The following AGBL4 variants were observed in gnomAD, a reference collection of about 807,000 sequenced individuals.
AGBL4 encodes the protein cytosolic carboxypeptidase 6.
AGBL4 carries 58 observed loss-of-function variants against 66.4 expected under a neutral mutation model. That is an observed-to-expected ratio of 0.87 (90% confidence interval 0.71 to 1.09). The LOEUF (loss-of-function observed/expected upper bound fraction) is 1.09, where lower values mean the gene tolerates loss of function less well. Among genes scored for constraint, AGBL4 ranks in the 50% least tolerant of loss-of-function variants. AGBL4 has a pLI of 0.00. For missense variants in AGBL4, 579 were observed against 631.0 expected, an observed-to-expected ratio of 0.92 and a Z score of 0.88; for synonymous variants, 234 against 222.9, an observed-to-expected ratio of 1.05 and a Z score of -0.44.
chr1:48,684,788 G>A (rs1321630690), intron 6 of AGBL4, among the ~76,000 whole-genome samples: 1 of 152,072 alleles, frequency 6.6e-6, no homozygotes, highest in Middle Eastern at 3.2e-3. Flanking sequence ...ATAAGGAAAA[G>A]AGAGAATCCA....
intron 4 of AGBL4, among the ~76,000 whole-genome samples, chr1:49,134,828 C>G (rs1231551803): frequency 6.6e-6 from 1 of 151,998 alleles, no homozygotes; most frequent in East Asian, 1.9e-4. Flanking sequence ...TAAAGACAGT[C>G]ATAGAAATTA....
chr1:49,870,805 G>A (rs12136205), intron 1 of AGBL4, among the ~76,000 whole-genome samples: 232 of 152,016 alleles, frequency 1.5e-3, no homozygotes, highest in Non-Finnish European at 2.3e-3. Flanking sequence ...CACCCACTCT[G>A]ATGGTTATTA....
chr1:48,995,657 A>G (rs1357491074), intron 5 of AGBL4, among the ~76,000 whole-genome samples: 1 of 152,234 alleles, frequency 6.6e-6, no homozygotes, highest in Non-Finnish European at 1.5e-5. Context: ...GAGGAGACCC[A>G]AAAAATGAAA....
chr1:49,947,177 C>T (rs1655289693), intron 1 of AGBL4, among the ~76,000 whole-genome samples: 1 of 151,802 alleles, frequency 6.6e-6, no homozygotes, highest in South Asian at 2.1e-4. Flanking sequence ...AGAGGGATTC[C>T]TCCCTAAATC....
chr1:48,971,915 A>G (rs1003345824), intron 5 of AGBL4, among the ~76,000 whole-genome samples: 3 of 152,198 alleles, frequency 2.0e-5, no homozygotes, highest in East Asian at 1.9e-4. Flanking sequence ...AGTGCGCCCA[A>G]TCTCTAGGAA....
intron 9 of AGBL4, among the ~76,000 whole-genome samples, chr1:48,596,425 A>G (rs1569938287): frequency 6.6e-6 from 1 of 152,124 alleles, no homozygotes; most frequent in Admixed American, 6.5e-5. Context: ...CCCCAAATCT[A>G]TTCTTTTCAT....
intron 2 of AGBL4, among the ~76,000 whole-genome samples, chr1:49,813,171 A>G (rs899125680): frequency 2.6e-5 from 4 of 152,134 alleles, no homozygotes; most frequent in African/African-American, 9.7e-5. Flanking sequence ...TAATACACAA[A>G]TAAACTCTGA....
intron 4 of AGBL4, among the ~76,000 whole-genome samples, chr1:49,240,653 A>C (rs1423979240): frequency 6.7e-6 from 1 of 148,656 alleles, no homozygotes; most frequent in African/African-American, 2.5e-5. Context: ...GATTTCTCAG[A>C]GCCTTATCCT....
chr1:48,827,569 C>G (rs1026777289), intron 6 of AGBL4, among the ~76,000 whole-genome samples: 4 of 152,174 alleles, frequency 2.6e-5, no homozygotes, highest in African/African-American at 9.7e-5. Context: ...CATGTCCTTG[C>G]TCTGGATAAC....
intron 2 of AGBL4, among the ~76,000 whole-genome samples, chr1:49,714,148 C>A (rs956158847): frequency 6.6e-6 from 1 of 151,886 alleles, no homozygotes; most frequent in Admixed American, 6.6e-5. Context: ...GGTCATAAAG[C>A]TAAGGAAGTA....
chr1:49,094,913 A>G (rs1406127755), intron 4 of AGBL4, among the ~76,000 whole-genome samples: 1 of 152,196 alleles, frequency 6.6e-6, no homozygotes, highest in Non-Finnish European at 1.5e-5. Context: ...TGCAGATGAC[A>G]TGATTGTATA....
downstream of AGBL4, among the ~76,000 whole-genome samples, chr1:48,531,227 A>T (rs1410401064): frequency 6.6e-6 from 1 of 150,710 alleles, no homozygotes; most frequent in Non-Finnish European, 1.5e-5. Flanking sequence ...CTCTCTCTCA[A>T]GGAATGGGAA....
intron 3 of AGBL4, among the ~76,000 whole-genome samples, chr1:49,380,067 G>C (rs958023801): frequency 2.0e-5 from 3 of 152,248 alleles, no homozygotes; most frequent in South Asian, 4.1e-4. Flanking sequence ...AGTTGTCCCT[G>C]TTTGCAGACG....
At chr1:48,782,384 G>C (rs1645317124) in intron 6 of AGBL4, among the ~76,000 whole-genome samples, 2 of 152,214 alleles carry the variant, frequency 1.3e-5, no homozygotes, top group African/African-American at 4.8e-5. Flanking sequence ...AGCATGTTCA[G>C]TGGCAGCAGT....
At chr1:49,865,270 T>C (rs1271061290) in intron 1 of AGBL4, among the ~76,000 whole-genome samples, 2 of 152,260 alleles carry the variant, frequency 1.3e-5, no homozygotes, top group East Asian at 3.9e-4. Flanking sequence ...GAGTTCTTCA[T>C]TAAAAGGGTC....
intron 3 of AGBL4, among the ~76,000 whole-genome samples, chr1:49,335,451 G>T (rs1229624475): frequency 6.6e-6 from 1 of 151,966 alleles, no homozygotes; most frequent in Non-Finnish European, 1.5e-5. Context: ...AAGTCAAATT[G>T]TGTTATTTCA....
chr1:48,831,737 T>C (rs1247443550), intron 6 of AGBL4, among the ~76,000 whole-genome samples: 1 of 152,206 alleles, frequency 6.6e-6, no homozygotes. Flanking sequence ...TTTAGTTACA[T>C]TGAAATCTAT....
chr1:49,685,065 C>T (rs1472065950), intron 3 of AGBL4, among the ~76,000 whole-genome samples: 1 of 152,160 alleles, frequency 6.6e-6, no homozygotes, highest in African/African-American at 2.4e-5. Context: ...CTCCCACCTT[C>T]CACCTTCAAG....
intron 3 of AGBL4, among the ~76,000 whole-genome samples, chr1:49,690,672 T>C (rs778753682): frequency 6.6e-6 from 1 of 152,188 alleles, no homozygotes; most frequent in Non-Finnish European, 1.5e-5. Context: ...ATTGAAGTGT[T>C]CCGTAAATTT....
Sources: gnomAD v4.1 joint callset for allele counts (sites outside exome capture counted in the v4.1 genomes callset) on GRCh38, gnomAD v4.1.1 for gene constraint, MANE v1.5 for transcripts, NCBI Gene and HGNC (gene_info 2026-07-23, HGNC 2026-07-21) for gene names.